Variants in PTPRZ1 observed in about 807,000 individuals in gnomAD.
The protein encoded by PTPRZ1 is receptor-type tyrosine-protein phosphatase zeta.
In PTPRZ1, 82 loss-of-function variants were observed where a neutral mutation model predicts 214.1. The observed-to-expected ratio is 0.38, with a 90% CI of 0.32 to 0.46. PTPRZ1 has a LOEUF of 0.46. PTPRZ1 is among the 20% of genes least tolerant of loss of function. The probability of loss-of-function intolerance (pLI) is 1.00; values close to 1 mark genes in which losing one functional copy is unlikely to be tolerated. For synonymous variants in PTPRZ1, 945 were observed against 987.9 expected (o/e 0.96, Z 0.81); for missense variants, 2,603 against 2,748.7 (o/e 0.95, Z 1.19).
chr7:121,903,167 G>C (rs1795020143), intron 1 of PTPRZ1, among the ~76,000 whole-genome samples: 1 of 152,148 alleles, frequency 6.6e-6, no homozygotes, highest in Non-Finnish European at 1.5e-5. Context: ...TACCAATTAT[G>C]ATAGCATCAC....
At chr7:121,944,908 G>A (rs913415857) in intron 2 of PTPRZ1, among the ~76,000 whole-genome samples, 33 of 152,070 alleles carry the variant, frequency 2.2e-4, no homozygotes, top group African/African-American at 6.8e-4. Context: ...CTCCTTTAGC[G>A]CTGGAATTAC....
At chr7:121,886,976 G>A (rs967832701) in intron 1 of PTPRZ1, among the ~76,000 whole-genome samples, 2 of 152,126 alleles carry the variant, frequency 1.3e-5, no homozygotes, top group African/African-American at 2.4e-5. Context: ...ATCTCCACAC[G>A]TGTGCTCCTT....
intron 2 of PTPRZ1, among the ~76,000 whole-genome samples, chr7:121,956,551 A>C (rs1187121513): frequency 1.3e-5 from 2 of 152,218 alleles, no homozygotes; most frequent in Admixed American, 1.3e-4. Context: ...GGCAGAATTT[A>C]TTTGAAGATT....
At position 122,012,939 on chromosome 7, in the gene PTPRZ1, T is replaced by G. The variant is rs1798723925; in HGVS notation, c.3893T>G (p.Leu1298Trp). Residue 1298 changes from leucine (L) to tryptophan (W), a missense_variant, in exon 12 of 30, where the codon TTG becomes TGG. Leu to Trp is a moderately conservative substitution (Grantham distance 61). This residue lies in a region of PTPRZ1 where 1,913 missense variants were observed against 1,914.3 expected (regional missense o/e 1.00). Transcript: ENST00000393386. ...SNDELFQTAN[L>W]EINQAHPPKG... ...GATGAGTTGTTCCAAACGGCCAATT[T>G]GGAGATTAACCAGGCCCATCCCCCA... 6.2e-7 allele frequency: 1 copy of G among 1,614,040 alleles called. No individual in the cohort carries two copies. Among genetic ancestry groups the G allele is most frequent in the South Asian group, 1.1e-5 (1 of 91,086 alleles).
chr7:121,998,270 GTAA>G (rs766588297), intron 10 of PTPRZ1, among the ~76,000 whole-genome samples: 1 of 152,078 alleles, frequency 6.6e-6, no homozygotes, highest in Non-Finnish European at 1.5e-5. Context: ...TTATAACATT[GTAA>G]TAATCATTAA....
At chr7:121,896,727 C>T (rs7778337) in intron 1 of PTPRZ1, among the ~76,000 whole-genome samples, 2 of 151,264 alleles carry the variant, frequency 1.3e-5, no homozygotes, top group Non-Finnish European at 2.9e-5. Context: ...GAGCCAAGAT[C>T]GCGCCACTGC....
At chr7:121,908,372 T>TC in intron 1 of PTPRZ1, 6 of 313,156 alleles carry the variant, frequency 1.9e-5, no homozygotes, top group Non-Finnish European at 3.1e-5. Flanking sequence ...TGGAAAAGAA[T>TC]ATCAACTATA....
chr7:121,952,237 CGTGA>C (rs1796570995), intron 2 of PTPRZ1, among the ~76,000 whole-genome samples: 1 of 151,010 alleles, frequency 6.6e-6, no homozygotes, highest in Non-Finnish European at 1.5e-5. Flanking sequence ...GGATTACAGG[CGTGA>C]GTCACCGCGC....
At chr7:122,002,700 T>C (rs544653550) in intron 10 of PTPRZ1, among the ~76,000 whole-genome samples, 2 of 152,176 alleles carry the variant, frequency 1.3e-5, no homozygotes, top group African/African-American at 4.8e-5. Context: ...ATTAAAAGTA[T>C]GAAGTTAGGT....
chr7:121,951,170 A>C (rs1421000457), intron 2 of PTPRZ1, among the ~76,000 whole-genome samples: 2 of 152,222 alleles, frequency 1.3e-5, no homozygotes, highest in African/African-American at 2.4e-5. Context: ...TCAGTTTGTC[A>C]GTTTTTATAG....
intron 20 of PTPRZ1, among the ~76,000 whole-genome samples, chr7:122,040,492 A>G (rs1799691136): frequency 6.6e-6 from 1 of 152,192 alleles, no homozygotes; most frequent in Non-Finnish European, 1.5e-5. Flanking sequence ...GCTCACCCAC[A>G]TTATGGACTA....
At chr7:122,044,363 AG>A in intron 22 of PTPRZ1, 58 bp from the exon 23 acceptor site, 1 of 1,586,196 alleles carries the variant, frequency 6.3e-7, no homozygotes, top group Non-Finnish European at 8.6e-7. Context: ...CTATGTTTGT[AG>A]GTAGATACAT....
chr7:121,990,709 G>A (rs1346338955), intron 8 of PTPRZ1, among the ~76,000 whole-genome samples: 3 of 151,704 alleles, frequency 2.0e-5, no homozygotes, highest in East Asian at 3.9e-4. Context: ...TAGCAGAGAC[G>A]GGGTTTCACC....
chr7:121,997,937 A>G lies in PTPRZ1; in HGVS notation c.1171A>G (p.Ile391Val). The change falls in exon 10 of 30, where the codon ATA becomes GTA. Residue 391 changes from isoleucine to valine, a missense_variant. By Grantham distance (29) the Ile-to-Val change is conservative (BLOSUM62 3). Coordinates refer to ENST00000393386, the MANE Select transcript of PTPRZ1 (RefSeq NM_002851.3). Reference protein sequence around the residue: ...NMSYVLQIVAICTNGLYGKYS... With the variant: ...NMSYVLQIVAVCTNGLYGKYS... The stretch of plus-strand genomic sequence containing the variant: ...GAGTTATGTTCTTCAGATAGTAGCC[A>G]TATGCACTAATGGCTTATATGGAAA... 1 of 1,612,094 alleles carries G rather than the reference A, an allele frequency of 6.2e-7. No individual in the cohort carries two copies. Among genetic ancestry groups the G allele is most frequent in the Non-Finnish European group, 8.5e-7 (1 of 1,178,410 alleles).
intron 2 of PTPRZ1, among the ~76,000 whole-genome samples, chr7:121,961,205 C>G (rs1285479788): frequency 6.6e-6 from 1 of 152,168 alleles, no homozygotes; most frequent in Non-Finnish European, 1.5e-5. Context: ...TCTATGAGCT[C>G]CTTCCTCTTC....
intron 13 of PTPRZ1, among the ~76,000 whole-genome samples, chr7:122,021,167 G>A (rs1057189207): frequency 1.3e-5 from 2 of 151,896 alleles, no homozygotes; most frequent in East Asian, 1.9e-4. Flanking sequence ...ATTGAAATTC[G>A]TTTCTTAATC....
Position 122,011,294 on chromosome 7 carries a change from C to G in PTPRZ1, c.2248C>G (p.Gln750Glu), listed in dbSNP as rs766893119. 66 of 1,614,002 alleles carry G rather than the reference C, an allele frequency of 4.1e-5. No homozygotes were observed. Among genetic ancestry groups the G allele is most frequent in the Non-Finnish European group, 5.3e-5 (62 of 1,180,012 alleles). The change falls in exon 12 of 30, where the codon CAA (glutamine) becomes GAA (glutamate). Residue 750 changes from glutamine to glutamate, a missense_variant. Gln to Glu is a conservative substitution (Grantham distance 29). Coordinates refer to ENST00000393386, the MANE Select transcript of PTPRZ1 (RefSeq NM_002851.3). ...TVNVVYSQTT[Q>E]PVYNGETPLQ... is the part of the protein sequence containing the mutation. ...CAACGTGGTATACTCGCAGACAACCCAACCGGTATACAATGGTGAGACACC... is the reference window on the plus strand; with the variant it reads ...CAACGTGGTATACTCGCAGACAACCGAACCGGTATACAATGGTGAGACACC...
intron 13 of PTPRZ1, among the ~76,000 whole-genome samples, chr7:122,022,038 T>C (rs1024274454): frequency 6.6e-6 from 1 of 152,182 alleles, no homozygotes; most frequent in African/African-American, 2.4e-5. Flanking sequence ...AGCCAATATA[T>C]AAACATTTTA....
In PTPRZ1 at chr7:122,004,608, T is replaced by C; in HGVS notation, c.1241-6T>C. 7.5e-7 allele frequency: 1 copy of C among 1,337,008 alleles called. No homozygotes were observed. Among genetic ancestry groups the C allele is most frequent in the Non-Finnish European group, 1.0e-6 (1 of 961,780 alleles). The allele number at this position is 1,337,008 out of a possible 1,614,324, so 82.8% of individuals were successfully genotyped here. ...AACTTTAATAATTTTGTTTTTAATTTTGTAGAACTTGATCTTTTCCCTGAA... is the reference window on the plus strand; with the variant it reads ...AACTTTAATAATTTTGTTTTTAATTCTGTAGAACTTGATCTTTTCCCTGAA... On this transcript the variant is annotated splice_polypyrimidine_tract_variant and splice_region_variant and intron_variant, in intron 10 of 29. Coordinates refer to ENST00000393386, the MANE Select transcript of PTPRZ1 (RefSeq NM_002851.3).
Sources: gnomAD v4.1 joint callset for allele counts (sites outside exome capture counted in the v4.1 genomes callset) on GRCh38, gnomAD v4.1.1 for gene constraint, gnomAD v4.1.1 regional missense constraint, MANE v1.5 for transcripts, NCBI Gene and HGNC (gene_info 2026-07-23, HGNC 2026-07-21) for gene names.